The following CTNNBL1 variants were observed in gnomAD, a reference collection of about 807,000 sequenced individuals.
CTNNBL1 encodes the protein beta-catenin-like protein 1.
A neutral mutation model predicts 72.7 loss-of-function variants in CTNNBL1; 31 were observed. The observed-to-expected ratio is 0.43, with a 90% CI of 0.32 to 0.58. The LOEUF (loss-of-function observed/expected upper bound fraction) is 0.58, where lower values mean the gene tolerates loss of function less well. Ranked by LOEUF, CTNNBL1 falls within the 20% of genes least tolerant of loss-of-function variation. CTNNBL1 has a pLI of 0.08. For missense variants in CTNNBL1, 534 were observed against 725.1 expected (o/e 0.74, Z 3.03); for synonymous variants, 240 against 267.3 (o/e 0.90, Z 1.00).
intron 11 of CTNNBL1, among the ~76,000 whole-genome samples, chr20:37,824,744 G>A (rs1365800600): frequency 6.6e-6 from 1 of 152,178 alleles, no homozygotes; most frequent in African/African-American, 2.4e-5. Flanking sequence ...AGGGATGTTT[G>A]TTTGCTTTTT....
chr20:37,705,481 A>G (rs1260047116), intron 1 of CTNNBL1, among the ~76,000 whole-genome samples: 2 of 152,212 alleles, frequency 1.3e-5, no homozygotes, highest in Non-Finnish European at 2.9e-5. Context: ...TTTTTTTTTA[A>G]TTCTACAAAA....
intron 4 of CTNNBL1, among the ~76,000 whole-genome samples, chr20:37,756,827 A>G (rs886657671): frequency 1.3e-5 from 2 of 149,716 alleles, no homozygotes. Flanking sequence ...CTAAATGTTT[A>G]GTAGAGTCAA....
chr20:37,769,221 T>A (rs1485870322), intron 7 of CTNNBL1, among the ~76,000 whole-genome samples: 4 of 152,248 alleles, frequency 2.6e-5, no homozygotes, highest in Non-Finnish European at 5.9e-5. Flanking sequence ...ACAGACTTTT[T>A]AAAATATACA....
In CTNNBL1 at chr20:37,856,415, G is replaced by A. The variant is rs1643643262; in HGVS notation, c.1393-3484G>A. ...GTTGAAGGACTGAAAAATCATATCT[G>A]CTCGGGGTTCTCAGGGAACATTTTG... On this transcript the variant is annotated intron_variant, in intron 13 of 15. Transcript: ENST00000361383. Among the ~76,000 whole-genome samples, 4 of 151,982 alleles carry A rather than the reference G, an allele frequency of 2.6e-5. No homozygotes were observed. In the South Asian group the frequency reaches 8.3e-4, roughly 32 times the overall value.
At chr20:37,735,846 T>C (rs1408743868) in intron 2 of CTNNBL1, among the ~76,000 whole-genome samples, 1 of 152,256 alleles carries the variant, frequency 6.6e-6, no homozygotes, top group African/African-American at 2.4e-5. Context: ...TCAGGTTCTC[T>C]TAATAGCAGT....
At chr20:37,869,589 G>A (rs1487107403) in intron 15 of CTNNBL1, among the ~76,000 whole-genome samples, 1 of 152,254 alleles carries the variant, frequency 6.6e-6, no homozygotes, top group Non-Finnish European at 1.5e-5. Context: ...GCTGGGTGGA[G>A]GATGGTCTAG....
intron 15 of CTNNBL1, among the ~76,000 whole-genome samples, chr20:37,871,052 C>T (rs1039864319): frequency 1.3e-5 from 2 of 152,184 alleles, no homozygotes; most frequent in African/African-American, 4.8e-5. Context: ...CTGTTTCTAT[C>T]ACTGCTTTAT....
Position 37,748,922 on chromosome 20 carries a change from T to C in CTNNBL1, c.466+2315T>C, listed in dbSNP as rs146623956. Among the ~76,000 whole-genome samples, 920 of 152,368 alleles carry C rather than the reference T, an allele frequency of 6.0e-3. 9 individuals carry two copies. The highest frequency in any genetic ancestry group is 0.021 in the African/African-American group (878 of 41,596). ...GGTAACTGCCATATGCCTAGCTCTA[T>C]TCTGGGCACTAATGGTGTTCACAGA... On this transcript the variant is annotated intron_variant, in intron 4 of 15. Transcript: ENST00000361383.
intron 15 of CTNNBL1, among the ~76,000 whole-genome samples, chr20:37,870,632 C>T (rs1224431970): frequency 2.0e-5 from 3 of 152,346 alleles, no homozygotes; most frequent in Middle Eastern, 3.4e-3. Flanking sequence ...TGTCACGTCG[C>T]ATCTCCTTTC....
chr20:37,809,223 A>T (rs1216236417), intron 11 of CTNNBL1, among the ~76,000 whole-genome samples: 1 of 152,222 alleles, frequency 6.6e-6, no homozygotes. Context: ...ACTATATTAC[A>T]ATTACAAAGA....
chr20:37,845,723 C>T (rs979112525), intron 13 of CTNNBL1, among the ~76,000 whole-genome samples: 1 of 152,142 alleles, frequency 6.6e-6, no homozygotes, highest in Non-Finnish European at 1.5e-5. Context: ...TCTCCTTGCC[C>T]CCATTAAATT....
At chr20:37,743,516 C>T (rs1435892730) in intron 3 of CTNNBL1, among the ~76,000 whole-genome samples, 1 of 152,044 alleles carries the variant, frequency 6.6e-6, no homozygotes, top group Non-Finnish European at 1.5e-5. Flanking sequence ...TAAGTGAGAA[C>T]AGGCAAGGAA....
intron 2 of CTNNBL1, among the ~76,000 whole-genome samples, chr20:37,734,145 A>G (rs1352630637): frequency 6.6e-6 from 1 of 152,234 alleles, no homozygotes; most frequent in Non-Finnish European, 1.5e-5. Context: ...TTGGATTACA[A>G]AATGAGGTTG....
At chr20:37,751,074 G>C (rs2073315757) in intron 4 of CTNNBL1, 1 of 151,932 alleles carries the variant, frequency 6.6e-6, no homozygotes, top group African/African-American at 2.4e-5. Context: ...TCCTACTCCG[G>C]ATGGAAGCTG....
In CTNNBL1 at chr20:37,736,665, C is replaced by T. The variant is rs1299156025; in HGVS notation, c.220-713C>T. The stretch of plus-strand genomic sequence containing the variant: ...AAGTGATTCTCATGCCTCAACCTCC[C>T]GAGTAGCTGGGACTACAGGCATGTG... On this transcript the variant is annotated intron_variant, in intron 2 of 15. Coordinates refer to ENST00000361383, the MANE Select transcript of CTNNBL1 (RefSeq NM_030877.5). 4.6e-5 allele frequency among the ~76,000 whole-genome samples: 7 copies of T among 152,080 alleles called. No homozygotes were observed. In the South Asian group the frequency reaches 1.0e-3, roughly 23 times the overall value.
chr20:37,727,393 T>C (rs1717338453), intron 1 of CTNNBL1: 2 of 975,492 alleles, frequency 2.1e-6, no homozygotes, highest in Admixed American at 6.2e-5. Flanking sequence ...AAGCCTACTC[T>C]GAGCTTTGAG....
intron 4 of CTNNBL1, chr20:37,757,067 T>G (rs1243677556): frequency 1.3e-5 from 2 of 152,432 alleles, no homozygotes; most frequent in African/African-American, 4.8e-5. Flanking sequence ...CTAGCCCAAT[T>G]CCATATAAAT....
At position 37,732,954 on chromosome 20, in the gene CTNNBL1, C is replaced by T; in HGVS notation, c.106C>T (p.Arg36Ter). 1.2e-6 allele frequency: 2 copies of T among 1,613,948 alleles called. No homozygotes were observed. Among genetic ancestry groups the T allele is most frequent in the Non-Finnish European group, 1.7e-6 (2 of 1,180,016 alleles). The change falls in exon 2 of 16, where the codon CGA becomes TGA. Residue 36 changes from arginine (R) to a stop codon, truncating the protein, a stop_gained. Transcript: ENST00000361383. LOFTEE classifies it high-confidence loss of function. ...QKMRRKQTGT[R>*]ERGRYREEEM... ...GATGCGTCGGAAACAAACTGGTACT[C>T]GAGAACGCGGCCGCTATCGGGAAGA...
chr20:37,735,191 A>G (rs1043601408), intron 2 of CTNNBL1, among the ~76,000 whole-genome samples: 1 of 152,148 alleles, frequency 6.6e-6, no homozygotes, highest in African/African-American at 2.4e-5. Context: ...AACAGGTAAC[A>G]ATTTCATTCA....
Sources: gnomAD v4.1 joint callset for allele counts (sites outside exome capture counted in the v4.1 genomes callset) on GRCh38, gnomAD v4.1.1 for gene constraint, MANE v1.5 for transcripts, NCBI Gene and HGNC (gene_info 2026-07-23, HGNC 2026-07-21) for gene names.